The following SEMA5B variants were observed in gnomAD, a reference collection of about 807,000 sequenced individuals.
The protein encoded by SEMA5B is semaphorin-5B.
In SEMA5B, 66 loss-of-function variants were observed where a neutral mutation model predicts 135.0. The ratio of observed to expected loss-of-function variants is 0.49; its 90% CI spans 0.40 to 0.60. The LOEUF (loss-of-function observed/expected upper bound fraction) is 0.60. Among genes scored for constraint, SEMA5B ranks in the 20% least tolerant of loss-of-function variants. The probability of loss-of-function intolerance (pLI) is 0.00; values close to 1 mark genes in which losing one functional copy is unlikely to be tolerated. For missense variants in SEMA5B, 1,501 were observed against 1,566.3 expected (o/e 0.96, Z 0.70); for synonymous variants, 690 against 639.5 (o/e 1.08, Z -1.19).
At chr3:122,998,238 G>A (rs1308218799) in intron 1 of SEMA5B, among the ~76,000 whole-genome samples, 1 of 152,102 alleles carries the variant, frequency 6.6e-6, no homozygotes, top group African/African-American at 2.4e-5. Flanking sequence ...GGAGAGCTCT[G>A]AACAGCAAGA....
intron 1 of SEMA5B, chr3:122,976,005 T>A: frequency 1.3e-6 from 2 of 1,534,956 alleles, no homozygotes; most frequent in Non-Finnish European, 1.7e-6. Context: ...CCCACCTCGA[T>A]CCCTTCGCTT....
Position 122,911,962 on chromosome 3 carries a change from T to A in SEMA5B, c.3004A>T (p.Asn1002Tyr). 2 of 1,611,884 alleles carry A rather than the reference T, an allele frequency of 1.2e-6. No homozygotes were observed. Among genetic ancestry groups the A allele is most frequent in the Non-Finnish European group, 1.7e-6 (2 of 1,178,604 alleles). The stretch of plus-strand genomic sequence containing the variant: ...GGGCAGGGGCGGCTCTGGCTGCTGT[T>A]TCCAGCACAGGCGCTGGACCCTGGG... ...LLPGSSACAG[N>Y]SSQSRPCPYS... is the part of the protein sequence containing the mutation. Residue 1002 changes from asparagine (N) to tyrosine (Y), a missense_variant, in exon 20 of 23, where the codon AAC becomes TAC. Transcript: ENST00000357599.
Position 122,984,990 on chromosome 3 carries a change from G to A in SEMA5B, c.-38-23689C>T, listed in dbSNP as rs557852714. ...CTTTTTAGAATGAATAAAGTGTCTA[G>A]GATAGGGTATTTTTATGTTCCCCAA... On this transcript the variant is annotated intron_variant, in intron 1 of 22. Transcript: ENST00000357599. Among the ~76,000 whole-genome samples, 4 of 152,294 alleles carry A rather than the reference G, an allele frequency of 2.6e-5. No individual in the cohort carries two copies. In the South Asian group the frequency reaches 8.3e-4, roughly 32 times the overall value.
At chr3:122,995,683 G>A (rs545523111) in intron 1 of SEMA5B, among the ~76,000 whole-genome samples, 12 of 152,340 alleles carry the variant, frequency 7.9e-5, no homozygotes, top group African/African-American at 2.9e-4. Flanking sequence ...AGTATCATGG[G>A]GAGATCATGG....
Position 122,915,451 on chromosome 3 carries a change from G to A in SEMA5B, c.1977C>T (p.Ala659=), listed in dbSNP as rs747080549. Residue 659 remains alanine, a synonymous_variant, in exon 14 of 23, where the codon GCC becomes GCT. Coordinates refer to ENST00000357599, the MANE Select transcript of SEMA5B (RefSeq NM_001031702.4). ...CTGTCCTCACATACCTGGAGCAGTT[G>A]GCGATGTGGATGGCTGGCCCCAGGC... ...LDCLGPAIHI[A]NCSRNGAWTP... 2 of 1,610,984 alleles carry A rather than the reference G, an allele frequency of 1.2e-6. No individual in the cohort carries two copies. Among genetic ancestry groups the A allele is most frequent in the East Asian group, 4.5e-5 (2 of 44,832 alleles).
intron 1 of SEMA5B, among the ~76,000 whole-genome samples, chr3:123,014,063 A>C (rs1454541178): frequency 6.6e-6 from 1 of 152,230 alleles, no homozygotes; most frequent in Non-Finnish European, 1.5e-5. Context: ...GCCGGGACAC[A>C]CATCTAGGGA....
At chr3:122,913,803 CTT>C in intron 15 of SEMA5B, 53 bp downstream of exon 15, 1 of 1,566,554 alleles carries the variant, frequency 6.4e-7, no homozygotes, top group East Asian at 2.3e-5. Flanking sequence ...ATCCAGGCCA[CTT>C]TCTGGGGGGC....
chr3:122,980,849 C>G (rs1280163110), intron 1 of SEMA5B, among the ~76,000 whole-genome samples: 1 of 152,186 alleles, frequency 6.6e-6, no homozygotes, highest in African/African-American at 2.4e-5. Context: ...CTGAGAGCCA[C>G]CATTTCTACT....
Position 122,926,657 on chromosome 3 carries a change from A to C in SEMA5B, c.871T>G (p.Tyr291Asp). 6.2e-7 allele frequency: 1 copy of C among 1,611,770 alleles called. No homozygotes were observed. Among genetic ancestry groups the C allele is most frequent in the Non-Finnish European group, 8.5e-7 (1 of 1,177,908 alleles). Reference protein sequence around the residue: ...WLNEPNFVAAYDIGLFAYFFL... With the variant: ...WLNEPNFVAADDIGLFAYFFL... ...AAGTATGCAAACAGCCCAATATCAT[A>C]GGCTGCCACGAAGTTTGGCTCTGGG... Residue 291 changes from tyrosine (Y) to aspartate (D), a missense_variant, in exon 9 of 23, where the codon TAT becomes GAT. Transcript: ENST00000357599.
chr3:122,913,661 G>C lies in SEMA5B; in HGVS notation c.2153C>G (p.Pro718Arg), dbSNP rs932868003. 2 of 1,613,748 alleles carry C rather than the reference G, an allele frequency of 1.2e-6. No individual in the cohort carries two copies. Among genetic ancestry groups the C allele is most frequent in the African/African-American group, 2.7e-5 (2 of 75,070 alleles). The part of the protein sequence containing the change: ...REERFCNENT[P>R]CPVPIFWASW... ...AGCCCAGAAGATGGGCACCGGGCAA[G>C]GCGTGTTCTCATTACAGAACCTGGG... The change falls in exon 16 of 23, where the codon CCT (proline) becomes CGT (arginine). Residue 718 changes from proline (P) to arginine (R), a missense_variant. This residue lies in a region of SEMA5B where 927 missense variants were observed against 881.6 expected (regional missense o/e 1.05). Coordinates refer to ENST00000357599, the MANE Select transcript of SEMA5B (RefSeq NM_001031702.4).
intron 20 of SEMA5B, 24 bp downstream of exon 20, chr3:122,911,896 G>A (rs777116965): frequency 5.1e-6 from 8 of 1,579,196 alleles, no homozygotes; most frequent in Admixed American, 1.8e-5. Context: ...GGGTTGCTGC[G>A]CAGGTGCTGG....
intron 6 of SEMA5B, 66 bp from the exon 7 acceptor site, chr3:122,928,681 C>A: frequency 8.6e-7 from 1 of 1,160,506 alleles, no homozygotes; most frequent in Non-Finnish European, 1.2e-6. Flanking sequence ...ATCTCACGCT[C>A]ACACCACTGC....
intron 1 of SEMA5B, among the ~76,000 whole-genome samples, chr3:123,005,868 C>T (rs1306315339): frequency 2.6e-5 from 4 of 152,206 alleles, no homozygotes; most frequent in African/African-American, 9.7e-5. Context: ...TTCCTGTAAC[C>T]TTTGATTGCC....
intron 2 of SEMA5B, among the ~76,000 whole-genome samples, chr3:122,960,806 G>A (rs988529784): frequency 6.6e-6 from 1 of 152,174 alleles, no homozygotes; most frequent in South Asian, 2.1e-4. Context: ...AATGGTGCTT[G>A]CCTGGGGCGG....
At chr3:123,013,976 G>A (rs374288167) in intron 1 of SEMA5B, among the ~76,000 whole-genome samples, 1 of 152,216 alleles carries the variant, frequency 6.6e-6, no homozygotes, top group Non-Finnish European at 1.5e-5. Flanking sequence ...GGAGCTTTGG[G>A]CACAGGAGGG....
intron 1 of SEMA5B, among the ~76,000 whole-genome samples, chr3:122,964,593 T>C (rs147960389): frequency 6.1e-4 from 93 of 152,328 alleles, no homozygotes; most frequent in African/African-American, 1.9e-3. Flanking sequence ...TTGGTCTCTC[T>C]CTCCCACTGT....
At chr3:122,913,168 G>A in intron 17 of SEMA5B, 31 bp downstream of exon 17, 1 of 1,518,924 alleles carries the variant, frequency 6.6e-7, no homozygotes, top group Non-Finnish European at 8.8e-7. Flanking sequence ...GGCTGGGAGA[G>A]AGGAAGGAGG....
At chr3:122,946,452 T>G (rs577243710) in intron 3 of SEMA5B, among the ~76,000 whole-genome samples, 2 of 151,906 alleles carry the variant, frequency 1.3e-5, no homozygotes, top group South Asian at 4.2e-4. Flanking sequence ...AGAAAGGAAG[T>G]GTAACATCCT....
Position 122,915,858 on chromosome 3 carries a change from C to T in SEMA5B, c.1721G>A (p.Gly574Asp). 1 of 1,614,016 alleles carries T rather than the reference C, an allele frequency of 6.2e-7. No homozygotes were observed. Among genetic ancestry groups the T allele is most frequent in the Non-Finnish European group, 8.5e-7 (1 of 1,179,970 alleles). ...GCAACGTTGCTGCTTCCCGTCCCAG[C>T]CACAGTACGGGTCCCGGGCCCCCAG... is the stretch of plus-strand genomic sequence containing the variant. Reference protein sequence around the residue: ...ACLGARDPYCGWDGKQQRCST... With the variant: ...ACLGARDPYCDWDGKQQRCST... Residue 574 changes from glycine to aspartate, a missense_variant, in exon 13 of 23, where the codon GGC becomes GAC. Transcript: ENST00000357599.
Sources: allele counts gnomAD v4.1 joint callset (sites outside exome capture counted in the v4.1 genomes callset), GRCh38; gene constraint gnomAD v4.1.1; regional missense constraint gnomAD v4.1.1; transcripts MANE v1.5; gene names NCBI Gene and HGNC (gene_info 2026-07-23, HGNC 2026-07-21).